Variants in RGS3 observed in about 807,000 individuals in gnomAD.
The protein encoded by RGS3 is regulator of G-protein signalling 3.
RGS3 carries 80 observed loss-of-function variants against 132.6 expected under a neutral mutation model. That is an observed-to-expected ratio of 0.60 (90% CI 0.50 to 0.73). The LOEUF is 0.73. Ranked by LOEUF, RGS3 falls within the 30% of genes least tolerant of loss-of-function variation. RGS3 has a pLI of 0.00. For missense variants in RGS3, 1,382 were observed against 1,530.8 expected (o/e 0.90, Z 1.62); for synonymous variants, 598 against 620.6 (o/e 0.96, Z 0.54).
intron 19 of RGS3, among the ~76,000 whole-genome samples, chr9:113,557,131 A>C (rs1833600337): frequency 6.6e-6 from 1 of 152,238 alleles, no homozygotes; most frequent in African/African-American, 2.4e-5. Flanking sequence ...TCAGCAATCT[A>C]CCAATTGCAA....
chr9:113,594,119 C>T lies in RGS3; in HGVS notation c.3081-311C>T, dbSNP rs200821126. 90 of 1,613,160 alleles carry T rather than the reference C, an allele frequency of 5.6e-5. No individual in the cohort carries two copies. In the Admixed American group the frequency reaches 1.5e-3, roughly 26 times the overall value. ...TCTGAGTCCCAGCCCCGGCTTGTGC[C>T]TGGGAGTCCAGTCATCAGGCCAGGA... On this transcript the variant is annotated intron_variant, in intron 21 of 24. Coordinates refer to ENST00000350696, the Ensembl canonical transcript of RGS3.
At chr9:113,597,198 AG>A in exon 25 of RGS3, 1 of 436,072 alleles carries the variant, frequency 2.3e-6, no homozygotes, top group South Asian at 3.4e-5. Context: ...CTGGCAGGTC[AG>A]GGGCCCTGGC....
rs546464139 is a variant in RGS3, at chr9:113,466,246, A to T, written c.415+4045A>T. ...GTTTTGGCTAAGTTTTTCTCAGTTC[A>T]CTGGCCTTTCCTTAGCAAAGTAGGT... On this transcript the variant is annotated intron_variant, in intron 3 of 24. Transcript: ENST00000350696. Among the ~76,000 whole-genome samples, 4 of 152,348 alleles carry T rather than the reference A, an allele frequency of 2.6e-5. No homozygotes were observed. In the South Asian group the frequency reaches 8.3e-4, roughly 32 times the overall value.
At chr9:113,597,646 C>G (rs1382915321) in exon 25 of RGS3, 1 of 152,288 alleles carries the variant, frequency 6.6e-6, no homozygotes, top group Admixed American at 6.5e-5. Flanking sequence ...GTGGAGTGTC[C>G]CTCGGGGGCT....
At chr9:113,478,791 G>A (rs1056135788) in intron 3 of RGS3, 1 of 152,368 alleles carries the variant, frequency 6.6e-6, no homozygotes, top group African/African-American at 2.4e-5. Flanking sequence ...CAGCCTGGAT[G>A]ATAGAGCCAG....
chr9:113,455,620 G>A (rs1230864795), upstream of RGS3, among the ~76,000 whole-genome samples: 1 of 152,056 alleles, frequency 6.6e-6, no homozygotes, highest in Non-Finnish European at 1.5e-5. Flanking sequence ...CTTTTACTTG[G>A]TTCTCTTTAG....
intron 7 of RGS3, among the ~76,000 whole-genome samples, chr9:113,490,606 A>G (rs902095319): frequency 3.9e-5 from 5 of 127,134 alleles, no homozygotes; most frequent in Non-Finnish European, 8.5e-5. Flanking sequence ...TAAAAAATGC[A>G]TATATGTATT....
intron 19 of RGS3, among the ~76,000 whole-genome samples, chr9:113,538,942 A>G (rs1832792300): frequency 6.6e-6 from 1 of 152,178 alleles, no homozygotes; most frequent in Non-Finnish European, 1.5e-5. Flanking sequence ...GGCTGGCCCT[A>G]GAGGTCTCAC....
At chr9:113,488,028 C>T (rs1830392232) in intron 7 of RGS3, among the ~76,000 whole-genome samples, 2 of 152,042 alleles carry the variant, frequency 1.3e-5, no homozygotes, top group African/African-American at 4.8e-5. Flanking sequence ...GTGTGTCAAG[C>T]CAGGGAATGA....
intron 3 of RGS3, among the ~76,000 whole-genome samples, chr9:113,472,323 G>A (rs1476735966): frequency 6.6e-6 from 1 of 152,040 alleles, no homozygotes; most frequent in African/African-American, 2.4e-5. Context: ...ACACACACAT[G>A]TTCATAACGG....
intron 7 of RGS3, among the ~76,000 whole-genome samples, chr9:113,486,702 A>G (rs945502024): frequency 6.6e-6 from 1 of 152,228 alleles, no homozygotes; most frequent in East Asian, 1.9e-4. Flanking sequence ...GTGAATGAAA[A>G]TCAGCTCAAG....
At chr9:113,558,239 A>G (rs2118793855) in intron 19 of RGS3, among the ~76,000 whole-genome samples, 2 of 152,332 alleles carry the variant, frequency 1.3e-5, no homozygotes, top group African/African-American at 4.8e-5. Context: ...ACAGTGGCTC[A>G]CGCCTGTAAT....
intron 3 of RGS3, among the ~76,000 whole-genome samples, chr9:113,469,006 C>T (rs1449748094): frequency 1.4e-5 from 2 of 147,688 alleles, no homozygotes; most frequent in African/African-American, 2.5e-5. Flanking sequence ...GTTCTGGAGG[C>T]AGAGTAGACT....
At chr9:113,453,278 CATT>C (rs1320125390) in intron 1 of RGS3, among the ~76,000 whole-genome samples, 65 of 66,362 alleles carry the variant, frequency 9.8e-4, no homozygotes, top group African/African-American at 2.5e-3. Flanking sequence ...ATAATATACT[CATT>C]ATATGATTAC....
chr9:113,517,273 G>C, intron 15 of RGS3: 1 of 602,964 alleles, frequency 1.7e-6, no homozygotes, highest in African/African-American at 1.8e-5. Flanking sequence ...TAAGCCTGTG[G>C]TTAGACTTCC....
At position 113,447,329 on chromosome 9, in the gene RGS3, G is replaced by GTATATATGTATATATATATATA. The variant is rs1305095004; in HGVS notation, c.-13+2409_-13+2410insGTATATATATATATATATATAT. ...CCAATAAATTCTGATGTATGTATAT[G>GTATATATGTATATATATATATA]TATATATATATATATATATATATAT... is the stretch of plus-strand genomic sequence containing the variant. On this transcript the variant is annotated intron_variant, in intron 1 of 25. Transcript: ENST00000374140. Among the ~76,000 whole-genome samples, 274 of 27,446 alleles carry GTATATATGTATATATATATATA rather than the reference G, an allele frequency of 1.0e-2. 16 individuals carry two copies. Among genetic ancestry groups the GTATATATGTATATATATATATA allele is most frequent in the Non-Finnish European group, 0.015 (205 of 13,308 alleles). 18.0% of individuals were successfully genotyped at this position (27,446 alleles called of 152,430 possible).
intron 19 of RGS3, among the ~76,000 whole-genome samples, chr9:113,572,901 T>A (rs1265874495): frequency 6.6e-6 from 1 of 152,244 alleles, no homozygotes; most frequent in African/African-American, 2.4e-5. Context: ...ACAGGACTCC[T>A]GTCCTAGGCT....
In RGS3 at chr9:113,506,314, G is replaced by A. The variant is rs977161329; in HGVS notation, c.980-74G>A. On this transcript the variant is annotated intron_variant, in intron 11 of 24. Coordinates refer to ENST00000350696, the Ensembl canonical transcript of RGS3. The surrounding 1 kb of genome is among the most constrained non-coding windows in gnomAD (Gnocchi z 4.7). ...GTCCTTGTCTGAGGTCACCATGGCAGCAAAGGACTCCAGATCCTTTGAAGG... is the reference window on the plus strand; with the variant it reads ...GTCCTTGTCTGAGGTCACCATGGCAACAAAGGACTCCAGATCCTTTGAAGG... 3 of 906,730 alleles carry A rather than the reference G, an allele frequency of 3.3e-6. No homozygotes were observed. Among genetic ancestry groups the A allele is most frequent in the Non-Finnish European group, 5.3e-6 (3 of 570,948 alleles). 56.2% of individuals were successfully genotyped at this position (906,730 alleles called of 1,614,324 possible).
chr9:113,584,267 G>A (rs752183312), exon 20 of RGS3: 68 of 1,612,036 alleles, frequency 4.2e-5, no homozygotes, highest in Non-Finnish European at 5.5e-5. Context: ...CAGGAGCCCC[G>A]AGGGCCCTGC....
Sources: allele counts gnomAD v4.1 joint callset (sites outside exome capture counted in the v4.1 genomes callset), GRCh38; gene constraint gnomAD v4.1.1; non-coding constraint Gnocchi (gnomAD v3.1); transcripts MANE v1.5; gene names NCBI Gene and HGNC (gene_info 2026-07-23, HGNC 2026-07-21).